Variants in MROH2B observed in about 807,000 individuals in gnomAD.
The protein encoded by MROH2B is maestro heat like repeat family member 2B.
Under a neutral mutation model 208.6 loss-of-function variants are expected in MROH2B, and 177 were observed. The observed-to-expected ratio is 0.85, with a 90% CI of 0.75 to 0.96. The LOEUF (loss-of-function observed/expected upper bound fraction) is 0.96. MROH2B is among the 40% of genes least tolerant of loss of function. MROH2B has a pLI of 0.00. For synonymous variants in MROH2B, 728 were observed against 659.0 expected, an observed-to-expected ratio of 1.10 and a Z score of -1.60; for missense variants, 2,002 against 1,878.7, an observed-to-expected ratio of 1.07 and a Z score of -1.21.
chr5:41,065,468 AGCATTCT>A lies in MROH2B; in HGVS notation c.217_223del (p.Arg73Ter). The A allele has an allele frequency of 1.2e-6, 2 of 1,613,160 alleles. No individual in the cohort carries two copies. The highest frequency in any genetic ancestry group is 1.7e-6 in the Non-Finnish European group (2 of 1,179,534). ...AAGAGACACCAAAACCTCACCAGCTAGCATTCTGATTTCTCTGAGCATCTGAGGAGGA... is the reference window on the plus strand; with the variant it reads ...AAGAGACACCAAAACCTCACCAGCTAGATTTCTCTGAGCATCTGAGGAGGA... On this transcript the variant is annotated frameshift_variant, in exon 4 of 42. Coordinates refer to ENST00000399564, the MANE Select transcript of MROH2B (RefSeq NM_173489.5). LOFTEE classifies it high-confidence loss of function.
In MROH2B at chr5:41,017,956, A is replaced by T. The variant is rs1277989835; in HGVS notation, c.2778T>A (p.Phe926Leu). 1.3e-6 allele frequency: 2 copies of T among 1,575,716 alleles called. No homozygotes were observed. The highest frequency in any genetic ancestry group is 1.7e-6 in the Non-Finnish European group (2 of 1,159,292). The change falls in exon 28 of 42, where the codon TTT becomes TTA. Residue 926 changes from phenylalanine (F) to leucine (L), a missense_variant. Coordinates refer to ENST00000399564, the MANE Select transcript of MROH2B (RefSeq NM_173489.5). ...LTNDIEAPEN[F>L]KIGSLLGLLA... ...GAAGTCCAAGCAGTGAACCAATTTTAAAGTTCTCTGGTGCCTGCAGGATAA... is the reference window on the plus strand; with the variant it reads ...GAAGTCCAAGCAGTGAACCAATTTTTAAGTTCTCTGGTGCCTGCAGGATAA...
intron 30 of MROH2B, among the ~76,000 whole-genome samples, chr5:41,011,476 G>A (rs1741771820): frequency 6.6e-6 from 1 of 152,076 alleles, no homozygotes; most frequent in Non-Finnish European, 1.5e-5. Context: ...CCACATAGTA[G>A]GTGCTCAATA....
intron 5 of MROH2B, 28 bp downstream of exon 5, chr5:41,064,444 G>T: frequency 6.3e-7 from 1 of 1,591,710 alleles, no homozygotes; most frequent in Non-Finnish European, 8.6e-7. Flanking sequence ...TGGTTTTTAA[G>T]CAAAAAGGAA....
chr5:41,019,987 T>C (rs1158388333), intron 24 of MROH2B, among the ~76,000 whole-genome samples: 1 of 152,160 alleles, frequency 6.6e-6, no homozygotes, highest in Non-Finnish European at 1.5e-5. Flanking sequence ...GCAGGTTATC[T>C]TTTCCTCCCC....
chr5:41,009,531 G>T, intron 31 of MROH2B, 125 bp from the exon 32 acceptor site: 2 of 1,217,638 alleles, frequency 1.6e-6, no homozygotes, highest in Non-Finnish European at 2.3e-6. Flanking sequence ...TGGACATGCT[G>T]CCATGCCTGG....
intron 24 of MROH2B, among the ~76,000 whole-genome samples, chr5:41,029,136 G>A (rs753656710): frequency 2.0e-5 from 3 of 152,066 alleles, no homozygotes; most frequent in African/African-American, 4.8e-5. Context: ...GCTAACATGT[G>A]TTAGGGTTTC....
At chr5:41,055,609 G>C (rs2150178446) in intron 10 of MROH2B, 133 bp downstream of exon 10, 1 of 614,298 alleles carries the variant, frequency 1.6e-6, no homozygotes, top group South Asian at 2.3e-5. Flanking sequence ...GGAAGATTAA[G>C]AAGACAGAAT....
intron 2 of MROH2B, 80 bp downstream of exon 2, chr5:41,069,611 T>A: frequency 8.7e-7 from 1 of 1,146,098 alleles, no homozygotes; most frequent in South Asian, 1.4e-5. Flanking sequence ...ATGAGAAAGT[T>A]GAGACAAAGA....
intron 35 of MROH2B, 33 bp downstream of exon 35, chr5:41,005,498 A>C (rs774200974): frequency 1.4e-5 from 18 of 1,320,792 alleles, no homozygotes; most frequent in Non-Finnish European, 1.8e-5. Context: ...ATGGGGACCC[A>C]GTGAGTGTGC....
In MROH2B at chr5:41,038,743, C is replaced by T. The variant is rs745711330; in HGVS notation, c.2207G>A (p.Cys736Tyr). The T allele has an allele frequency of 3.7e-6, 6 of 1,610,260 alleles. No homozygotes were observed. The highest frequency in any genetic ancestry group is 5.1e-6 in the Non-Finnish European group (6 of 1,178,432). Residue 736 changes from cysteine to tyrosine, a missense_variant, in exon 21 of 42, where the codon TGC becomes TAC. Cys to Tyr is a radical substitution (Grantham distance 194). Coordinates refer to ENST00000399564, the MANE Select transcript of MROH2B (RefSeq NM_173489.5). The part of the protein sequence containing the change: ...ISQVLSLHGQ[C>Y]SQVLGMSVMN... ...CCATGCAACGGGCATTACCTGAGAG[C>T]ACTGGCCATGAAGAGACAGGACTTG...
intron 21 of MROH2B, among the ~76,000 whole-genome samples, chr5:41,036,065 G>T (rs1742747160): frequency 6.6e-6 from 1 of 151,998 alleles, no homozygotes; most frequent in Middle Eastern, 3.4e-3. Flanking sequence ...ATTCACAATA[G>T]CAAAGACATG....
intron 24 of MROH2B, among the ~76,000 whole-genome samples, chr5:41,024,487 A>G (rs1407605663): frequency 6.6e-6 from 1 of 152,220 alleles, no homozygotes. Context: ...AGAGCTAACT[A>G]TCCTAGATAT....
At chr5:41,045,448 T>A (rs1307282486) in intron 18 of MROH2B, among the ~76,000 whole-genome samples, 7 of 152,180 alleles carry the variant, frequency 4.6e-5, no homozygotes, top group Admixed American at 1.3e-4. Context: ...CCTTCCAGTA[T>A]CTATTCTTCT....
At position 41,048,366 on chromosome 5, in the gene MROH2B, G is replaced by T; in HGVS notation, c.1642C>A (p.Leu548Ile). ...AGCTCAGGTAAACGTGTTTTCCATAGGTCTACCAATTTTGGGTGAATTATC... is the reference window on the plus strand; with the variant it reads ...AGCTCAGGTAAACGTGTTTTCCATATGTCTACCAATTTTGGGTGAATTATC... The part of the protein sequence containing the change: ...PEIIHPKLVD[L>I]WKTRLPELLQ... Residue 548 changes from leucine to isoleucine, a missense_variant, in exon 16 of 42, where the codon CTA becomes ATA. Physicochemically the swap from Leu to Ile is conservative, Grantham distance 5. Transcript: ENST00000399564. 1 of 1,613,574 alleles carries T rather than the reference G, an allele frequency of 6.2e-7. No individual in the cohort carries two copies. Among genetic ancestry groups the T allele is most frequent in the Non-Finnish European group, 8.5e-7 (1 of 1,179,668 alleles).
Position 41,061,646 on chromosome 5 carries a change from T to A in MROH2B, c.539A>T (p.Asn180Ile). The A allele has an allele frequency of 6.2e-7, 1 of 1,613,932 alleles. No individual in the cohort carries two copies. Among genetic ancestry groups the A allele is most frequent in the East Asian group, 2.2e-5 (1 of 44,886 alleles). ...RDFPYPRLDA[N>I]RLSDKIFMLF... ...CATGAAGATCTTGTCAGACAGTCGG[T>A]TGGCATCCAGTCTGGGGTAGGGAAA... The change falls in exon 6 of 42, where the codon AAC becomes ATC. Residue 180 changes from asparagine to isoleucine, a missense_variant. Physicochemically the swap from Asn to Ile is moderately radical, Grantham distance 149. Transcript: ENST00000399564.
intron 24 of MROH2B, among the ~76,000 whole-genome samples, chr5:41,026,765 T>C (rs942835159): frequency 2.0e-5 from 3 of 152,154 alleles, no homozygotes; most frequent in African/African-American, 7.2e-5. Flanking sequence ...GCTGGAGGCA[T>C]CACGCTACCT....
chr5:41,051,761 G>A lies in MROH2B; in HGVS notation c.1231-671C>T, dbSNP rs764717782. Among the ~76,000 whole-genome samples, 7 of 152,076 alleles carry A rather than the reference G, an allele frequency of 4.6e-5. No homozygotes were observed. In the East Asian group the frequency reaches 5.8e-4, roughly 13 times the overall value. ...TCATTAGACAATCTTGGACTTCCCCGCATCTTGAACTGTGAGAAATAAATA... is the reference window on the plus strand; with the variant it reads ...TCATTAGACAATCTTGGACTTCCCCACATCTTGAACTGTGAGAAATAAATA... On this transcript the variant is annotated intron_variant, in intron 12 of 41. Transcript: ENST00000399564.
At chr5:41,050,916 A>G in intron 13 of MROH2B, 61 bp downstream of exon 13, 4 of 1,082,234 alleles carry the variant, frequency 3.7e-6, no homozygotes, top group Non-Finnish European at 4.0e-6. Flanking sequence ...TTATTCTTAC[A>G]CAGGCTGGGC....
Position 41,007,542 on chromosome 5 carries a change from G to A in MROH2B, c.3609-88C>T. ...AGTTTGCCTTTCCACTCCTCACAATGCTTTCCCACCCCTGGACTAGGGGAT... is the reference window on the plus strand; with the variant it reads ...AGTTTGCCTTTCCACTCCTCACAATACTTTCCCACCCCTGGACTAGGGGAT... On this transcript the variant is annotated intron_variant, in intron 33 of 41. Coordinates refer to ENST00000399564, the MANE Select transcript of MROH2B (RefSeq NM_173489.5). 7 of 1,224,070 alleles carry A rather than the reference G, an allele frequency of 5.7e-6. No homozygotes were observed. In the South Asian group the frequency reaches 1.3e-4, roughly 24 times the overall value. The allele number at this position is 1,224,070 out of a possible 1,614,324, so 75.8% of individuals were successfully genotyped here.
Sources: allele counts gnomAD v4.1 joint callset (sites outside exome capture counted in the v4.1 genomes callset), GRCh38; gene constraint gnomAD v4.1.1; transcripts MANE v1.5; gene names NCBI Gene and HGNC (gene_info 2026-07-23, HGNC 2026-07-21).